Variants in RIOX2 observed in about 807,000 individuals in gnomAD.
RIOX2 encodes the protein 60S ribosomal protein L27a histidine hydroxylase.
A neutral mutation model predicts 51.2 loss-of-function variants in RIOX2; 43 were observed. The ratio of observed to expected loss-of-function variants is 0.84; its 90% CI spans 0.66 to 1.08. RIOX2 has a LOEUF of 1.08. RIOX2 is among the 50% of genes least tolerant of loss of function. The pLI is 0.00. For missense variants in RIOX2, 566 were observed against 561.7 expected (o/e 1.01, Z -0.08); for synonymous variants, 226 against 218.5 (o/e 1.03, Z -0.30).
chr3:97,968,754 A>G (rs556553454), intron 1 of RIOX2, among the ~76,000 whole-genome samples: 28 of 152,274 alleles, frequency 1.8e-4, no homozygotes, highest in African/African-American at 5.8e-4. Flanking sequence ...GGACTCCATC[A>G]CTTTCAACAG....
In RIOX2 at chr3:97,967,673, A is replaced by G. The variant is rs917312027; in HGVS notation, c.-39-41T>C. Reference sequence around the variant, plus strand: ...AACACACATGGTTAGGTTTACAAGGAGTGCCAGCATTGGTGTTAGTGGATC... The same window carrying G: ...AACACACATGGTTAGGTTTACAAGGGGTGCCAGCATTGGTGTTAGTGGATC... On this transcript the variant is annotated intron_variant, in intron 1 of 9. Coordinates refer to ENST00000394198, the MANE Select transcript of RIOX2 (RefSeq NM_153182.4). 45 of 1,400,588 alleles carry G rather than the reference A, an allele frequency of 3.2e-5. No homozygotes were observed. In the African/African-American group the frequency reaches 5.2e-4, roughly 16 times the overall value. The allele number at this position is 1,400,588 out of a possible 1,614,324, so 86.8% of individuals were successfully genotyped here.
chr3:97,954,279 TG>T, intron 5 of RIOX2, 112 bp downstream of exon 5: 1 of 722,300 alleles, frequency 1.4e-6, no homozygotes, highest in Non-Finnish European at 2.5e-6. Context: ...ACATAAACCC[TG>T]GGGTTTGCAT....
chr3:97,961,661 G>A lies in RIOX2; in HGVS notation c.480C>T (p.Ser160=), dbSNP rs1302814875. The A allele has an allele frequency of 3.1e-6, 5 of 1,612,168 alleles. No homozygotes were observed. Among genetic ancestry groups the A allele is most frequent in the Non-Finnish European group, 4.2e-6 (5 of 1,179,506 alleles). The change falls in exon 3 of 10, where the codon TCC becomes TCT. Residue 160 remains serine, a synonymous_variant. Coordinates refer to ENST00000394198, the MANE Select transcript of RIOX2 (RefSeq NM_153182.4). The part of the protein sequence containing the change: ...IQEKLECYFG[S]LVGSNVYITP... ...TTATGTACACATTCGAGCCAACCAA[G>A]GAGCCAAAGTAACATTCCAGCTTCT...
Position 97,954,505 on chromosome 3 carries a change from G to A in RIOX2, c.682-10C>T, listed in dbSNP as rs759884618. 37 of 1,609,534 alleles carry A rather than the reference G, an allele frequency of 2.3e-5. No homozygotes were observed. In the Admixed American group the frequency reaches 5.8e-4, roughly 25 times the overall value. ...ACAACAAATCACCCGGCTAAAGGAA[G>A]GAATAGGAAAGGGTAGAGAAGTTAA... On this transcript the variant is annotated splice_polypyrimidine_tract_variant and intron_variant, in intron 4 of 9. Transcript: ENST00000394198.
At chr3:97,951,924 G>T (rs1394036172) in intron 5 of RIOX2, among the ~76,000 whole-genome samples, 4 of 152,184 alleles carry the variant, frequency 2.6e-5, no homozygotes, top group East Asian at 1.9e-4. Context: ...TCCTTTGCAG[G>T]TTTATGTAGG....
chr3:97,943,586 GAA>G lies in RIOX2; in HGVS notation c.*1596_*1597del, dbSNP rs1035948391. ...TCCAGCTGTGGTGAGCAAGTTTCCTGAAGTGTTTATTTTCTCTCATATCCACC... is the reference window on the plus strand; with the variant it reads ...TCCAGCTGTGGTGAGCAAGTTTCCTGGTGTTTATTTTCTCTCATATCCACC... On this transcript the variant is annotated 3_prime_UTR_variant, in exon 10 of 10. Coordinates refer to ENST00000394198, the MANE Select transcript of RIOX2 (RefSeq NM_153182.4). 3 of 379,442 alleles carry G rather than the reference GAA, an allele frequency of 7.9e-6. No homozygotes were observed. Among genetic ancestry groups the G allele is most frequent in the African/African-American group, 6.5e-5 (3 of 46,052 alleles). 23.5% of individuals were successfully genotyped at this position (379,442 alleles called of 1,614,324 possible). A position where few individuals can be genotyped will look rare whatever the true frequency, so the allele number is the denominator to read the frequency against.
intron 2 of RIOX2, among the ~76,000 whole-genome samples, chr3:97,962,438 TG>T (rs1438962881): frequency 7.6e-6 from 1 of 132,186 alleles, no homozygotes; most frequent in Non-Finnish European, 1.6e-5. Flanking sequence ...GATTTACACT[TG>T]GGAATTGCCT....
At chr3:97,961,077 G>A (rs1464919792) in intron 3 of RIOX2, among the ~76,000 whole-genome samples, 1 of 152,020 alleles carries the variant, frequency 6.6e-6, no homozygotes, top group Non-Finnish European at 1.5e-5. Context: ...AAATTTTTTT[G>A]GAAGCCATAT....
At chr3:97,959,529 A>T (rs572331750) in intron 3 of RIOX2, among the ~76,000 whole-genome samples, 62 of 151,892 alleles carry the variant, frequency 4.1e-4, no homozygotes, top group Non-Finnish European at 7.1e-4. Context: ...TGTTGCCCAG[A>T]ATGGTCTTGA....
At chr3:97,966,197 T>G (rs1705883326) in intron 2 of RIOX2, among the ~76,000 whole-genome samples, 1 of 152,180 alleles carries the variant, frequency 6.6e-6, no homozygotes, top group South Asian at 2.1e-4. Context: ...GTTAAATCAC[T>G]GGAAACACTA....
rs778004530 is a variant in RIOX2 at position 97,961,741 on chromosome 3, G to A, written c.433-33C>T. ...AAAAAGGAAAAAAGAAAGGGTCGGC[G>A]TGGGGGAGTGAAAAATGTATTAGAA... is the stretch of plus-strand genomic sequence containing the variant. On this transcript the variant is annotated intron_variant, in intron 2 of 9. Coordinates refer to ENST00000394198, the MANE Select transcript of RIOX2 (RefSeq NM_153182.4). 1.2e-5 allele frequency: 19 copies of A among 1,554,952 alleles called. No individual in the cohort carries two copies. The South Asian group carries it at 1.4e-4, about 11-fold the overall frequency.
At chr3:97,946,608 C>A (rs377083580) in intron 8 of RIOX2, among the ~76,000 whole-genome samples, 1,432 of 40,434 alleles carry the variant, frequency 0.035, 10 homozygotes, top group Non-Finnish European at 0.047. Context: ...ATATATATAT[C>A]TATTCATGTA....
chr3:97,942,144 T>C lies in RIOX2; in HGVS notation c.*3040A>G. The C allele has an allele frequency of 1.7e-6, 1 of 586,556 alleles. No individual in the cohort carries two copies. Among genetic ancestry groups the C allele is most frequent in the Non-Finnish European group, 2.6e-6 (1 of 378,416 alleles). 36.3% of individuals were successfully genotyped at this position (586,556 alleles called of 1,614,324 possible). On this transcript the variant is annotated 3_prime_UTR_variant, in exon 10 of 10. Transcript: ENST00000394198. ...AGACATTAAAAAAGGCTTACTGAAA[T>C]TATACTATATAGTATTTTTTTAGAT...
intron 4 of RIOX2, among the ~76,000 whole-genome samples, chr3:97,958,413 T>C (rs1309579467): frequency 6.6e-6 from 1 of 152,228 alleles, no homozygotes; most frequent in East Asian, 1.9e-4. Flanking sequence ...GGATTGGCTA[T>C]GTTCCCATCG....
chr3:97,963,315 T>C (rs936882213), intron 2 of RIOX2, among the ~76,000 whole-genome samples: 3 of 152,124 alleles, frequency 2.0e-5, no homozygotes, highest in Non-Finnish European at 4.4e-5. Flanking sequence ...TTTGTAGAGA[T>C]GGTGGTCTCA....
intron 7 of RIOX2, 96 bp from the exon 8 acceptor site, chr3:97,947,545 C>A (rs1477699764): frequency 2.2e-6 from 2 of 907,728 alleles, no homozygotes; most frequent in South Asian, 1.4e-5. Context: ...CATTTACTAA[C>A]AATTTACAGG....
chr3:97,959,140 G>A lies in RIOX2; in HGVS notation c.592C>T (p.Leu198Phe), dbSNP rs370304672. 9 of 1,613,916 alleles carry A rather than the reference G, an allele frequency of 5.6e-6. No homozygotes were observed. Among genetic ancestry groups the A allele is most frequent in the African/African-American group, 2.7e-5 (2 of 74,912 alleles). ...LQLEGEKHWR[L>F]YHPTVPLARE... ...GCCAGGGGCACAGTGGGGTGGTAGA[G>A]GCGCCAGTGTTTCTCTCCCTCCAGC... is the stretch of plus-strand genomic sequence containing the variant. The change falls in exon 4 of 10, where the codon CTC (leucine) becomes TTC (phenylalanine). Residue 198 changes from leucine (L) to phenylalanine (F), a missense_variant. Coordinates refer to ENST00000394198, the MANE Select transcript of RIOX2 (RefSeq NM_153182.4).
Position 97,943,120 on chromosome 3 carries a change from C to G in RIOX2, c.*2064G>C, listed in dbSNP as rs1311813289. 1 of 644,608 alleles carries G rather than the reference C, an allele frequency of 1.6e-6. No homozygotes were observed. The highest frequency in any genetic ancestry group is 2.7e-6 in the Non-Finnish European group (1 of 366,788). The allele number at this position is 644,608 out of a possible 1,614,324, so 39.9% of individuals were successfully genotyped here. ...ATTTCAGACTTCTTTGTAAATGACACATTCATCCACCGAAATGGTGAGCTG... is the reference window on the plus strand; with the variant it reads ...ATTTCAGACTTCTTTGTAAATGACAGATTCATCCACCGAAATGGTGAGCTG... On this transcript the variant is annotated 3_prime_UTR_variant, in exon 10 of 10. Transcript: ENST00000394198.
chr3:97,967,671 G>T, intron 1 of RIOX2, 39 bp from the exon 2 acceptor site: 1 of 1,409,148 alleles, frequency 7.1e-7, no homozygotes, highest in Admixed American at 2.5e-5. Flanking sequence ...AGGTTTACAA[G>T]GAGTGCCAGC....
Sources: allele counts gnomAD v4.1 joint callset (sites outside exome capture counted in the v4.1 genomes callset), GRCh38; gene constraint gnomAD v4.1.1; transcripts MANE v1.5; gene names NCBI Gene and HGNC (gene_info 2026-07-23, HGNC 2026-07-21).